Variants in JHY observed in about 807,000 individuals in gnomAD.
JHY encodes the protein junctional cadherin complex regulator, also known as jhy protein homolog.
JHY carries 69 observed loss-of-function variants against 78.0 expected under a neutral mutation model. The observed-to-expected ratio is 0.88, with a 90% CI of 0.73 to 1.08. JHY has a LOEUF of 1.08. Ranked by LOEUF, JHY falls within the 50% of genes least tolerant of loss-of-function variation. The pLI is 0.00. For missense variants in JHY, 944 were observed against 927.8 expected (o/e 1.02, Z -0.23); for synonymous variants, 368 against 342.6 (o/e 1.07, Z -0.82).
chr11:122,955,129 G>A lies in JHY; in HGVS notation c.1930-1367G>A, dbSNP rs114458139. ...AACTTCAGGGTTTGTTGTTGTTGTT[G>A]TTGTTGTTTTAAATAGAATCTCTCT... On this transcript the variant is annotated intron_variant, in intron 6 of 8. Transcript: ENST00000227349. Among the ~76,000 whole-genome samples the A allele has an allele frequency of 4.1e-3, 623 of 152,226 alleles. 7 individuals carry two copies. The highest frequency in any genetic ancestry group is 0.014 in the African/African-American group (598 of 41,530).
intron 3 of JHY, among the ~76,000 whole-genome samples, chr11:122,909,790 T>TTAAA (rs1331320279): frequency 5.9e-5 from 9 of 151,710 alleles, no homozygotes; most frequent in East Asian, 1.9e-4. Context: ...AAAAAATAAA[T>TTAAA]TAAATAAATA....
Position 122,922,627 on chromosome 11 carries a change from G to A in JHY, c.865-2270G>A, listed in dbSNP as rs563209398. On this transcript the variant is annotated intron_variant, in intron 3 of 8. Coordinates refer to ENST00000227349, the MANE Select transcript of JHY (RefSeq NM_024806.4). ...AGATAGAGACCATCCTGGCTAACAC[G>A]GTGAAACCCCGTCTCTACTAAAAAT... Among the ~76,000 whole-genome samples, 10 of 151,914 alleles carry A rather than the reference G, an allele frequency of 6.6e-5. No homozygotes were observed. In the East Asian group the frequency reaches 1.6e-3, roughly 24 times the overall value.
At chr11:122,938,926 A>G (rs1386973100) in intron 5 of JHY, among the ~76,000 whole-genome samples, 1 of 151,680 alleles carries the variant, frequency 6.6e-6, no homozygotes, top group Non-Finnish European at 1.5e-5. Context: ...GAGAGAGGGA[A>G]GGGACAGTTG....
rs566238819 is a variant in JHY at position 122,960,801 on chromosome 11, C to T, written c.*1356C>T. ...TGCAATTGATTTGGAGAAGTCGCAG[C>T]GCTCACTGGTTCAGAAGCGCCATTA... On this transcript the variant is annotated 3_prime_UTR_variant, in exon 9 of 9. Coordinates refer to ENST00000227349, the MANE Select transcript of JHY (RefSeq NM_024806.4). 3.4e-5 allele frequency: 19 copies of T among 554,604 alleles called. No individual in the cohort carries two copies. The highest frequency in any genetic ancestry group is 1.3e-4 in the African/African-American group (7 of 52,716). 34.4% of individuals were successfully genotyped at this position (554,604 alleles called of 1,614,324 possible).
In JHY at chr11:122,959,254, G is replaced by C; in HGVS notation, c.2146G>C (p.Glu716Gln). The change falls in exon 9 of 9, where the codon GAA (glutamate) becomes CAA (glutamine). Residue 716 changes from glutamate (E) to glutamine (Q), a missense_variant. Transcript: ENST00000227349. The part of the protein sequence containing the change: ...KSAIPRQKAL[E>Q]YAKTIPKPKP... ...TTCATCTTTATGCGTTTAGGCTTTG[G>C]AATACGCTAAGACCATCCCCAAACC... The C allele has an allele frequency of 6.2e-7, 1 of 1,613,448 alleles. No homozygotes were observed. Among genetic ancestry groups the C allele is most frequent in the Non-Finnish European group, 8.5e-7 (1 of 1,179,838 alleles).
intron 2 of JHY, among the ~76,000 whole-genome samples, chr11:122,890,125 T>G (rs1375145578): frequency 6.6e-6 from 1 of 151,856 alleles, no homozygotes; most frequent in Non-Finnish European, 1.5e-5. Flanking sequence ...TTGACAGGGT[T>G]TGGTGACAGA....
rs746040976 is a variant in JHY, at chr11:122,946,724, A to G, written c.1861A>G (p.Ser621Gly). Residue 621 changes from serine to glycine, a missense_variant, in exon 6 of 9, where the codon AGC (serine) becomes GGC (glycine). By Grantham distance (56) the Ser-to-Gly change is moderately conservative (BLOSUM62 0). Coordinates refer to ENST00000227349, the MANE Select transcript of JHY (RefSeq NM_024806.4). ...SQRNQVKISR[S>G]NSEGYLFQLE... Reference sequence around the variant, plus strand: ...AAGAAACCAAGTGAAAATTAGCCGTAGCAATTCTGAAGGCTATCTGTTTCA... The same window carrying G: ...AAGAAACCAAGTGAAAATTAGCCGTGGCAATTCTGAAGGCTATCTGTTTCA... The G allele has an allele frequency of 2.5e-6, 4 of 1,614,216 alleles. No individual in the cohort carries two copies. The highest frequency in any genetic ancestry group is 3.4e-6 in the Non-Finnish European group (4 of 1,180,020).
At chr11:122,924,759 T>G in intron 3 of JHY, 138 bp from the exon 4 acceptor site, 39 of 629,810 alleles carry the variant, frequency 6.2e-5, no homozygotes, top group Non-Finnish European at 7.6e-5. Flanking sequence ...TGAGGACTGA[T>G]GAGATGAATC....
At chr11:122,946,415 A>G (rs1863959767) in intron 5 of JHY, 83 bp from the exon 6 acceptor site, 3 of 1,386,928 alleles carry the variant, frequency 2.2e-6, no homozygotes, top group Middle Eastern at 2.5e-4. Context: ...CATCAAATTA[A>G]TGGTTCATAA....
chr11:122,914,175 C>T (rs182804683), intron 3 of JHY, among the ~76,000 whole-genome samples: 1 of 152,264 alleles, frequency 6.6e-6, no homozygotes, highest in Admixed American at 6.5e-5. Flanking sequence ...TATAATCTTA[C>T]AGCCTTATAT....
At chr11:122,942,133 A>C (rs1863886491) in intron 5 of JHY, among the ~76,000 whole-genome samples, 1 of 152,110 alleles carries the variant, frequency 6.6e-6, no homozygotes, top group Admixed American at 6.5e-5. Flanking sequence ...CGGCCTCCCA[A>C]AGTGCTGGGA....
In JHY at chr11:122,883,153, G is replaced by A. The variant is rs959256522; in HGVS notation, c.-90+181G>A. ...GGGGCGAGGCCGCGACAAGGGGCTG[G>A]GGGGCCGCCATGCGAGGCTTCGGCG... On this transcript the variant is annotated intron_variant, in intron 1 of 8. Transcript: ENST00000227349. This position sits in a 1 kb window ranked among gnomAD's most constrained non-coding sequence, Gnocchi z 4.4. 1.3e-5 allele frequency among the ~76,000 whole-genome samples: 2 copies of A among 152,022 alleles called. No homozygotes were observed. The highest frequency in any genetic ancestry group is 2.9e-5 in the Non-Finnish European group (2 of 68,004).
At position 122,934,714 on chromosome 11, in the gene JHY, C is replaced by G. The variant is rs74745827; in HGVS notation, c.1273C>G (p.Gln425Glu). 4 of 1,613,904 alleles carry G rather than the reference C, an allele frequency of 2.5e-6. No individual in the cohort carries two copies. The highest frequency in any genetic ancestry group is 1.7e-5 in the Admixed American group (1 of 59,992). Residue 425 changes from glutamine (Q) to glutamate (E), a missense_variant, in exon 5 of 9, where the codon CAA becomes GAA. Physicochemically the swap from Gln to Glu is conservative, Grantham distance 29 (BLOSUM62 2). Coordinates refer to ENST00000227349, the MANE Select transcript of JHY (RefSeq NM_024806.4). ...TATGCATGCCTCTAACAATGATGTA[C>G]AAGCCTCAAGGGCACTTAGAAGCCA... ...VIMHASNNDV[Q>E]ASRALRSHNL...
At chr11:122,889,204 C>T (rs1410725011) in intron 2 of JHY, among the ~76,000 whole-genome samples, 2 of 152,170 alleles carry the variant, frequency 1.3e-5, no homozygotes, top group South Asian at 4.1e-4. Flanking sequence ...GCTCGAGAAT[C>T]TTTTTACATG....
chr11:122,890,399 A>G (rs1443180417), intron 2 of JHY, among the ~76,000 whole-genome samples: 1 of 152,188 alleles, frequency 6.6e-6, no homozygotes, highest in Non-Finnish European at 1.5e-5. Flanking sequence ...GTCTGACTCC[A>G]TGGCCCCAAA....
intron 6 of JHY, among the ~76,000 whole-genome samples, 191 bp from the exon 7 acceptor site, chr11:122,956,305 A>C (rs966444557): frequency 6.6e-6 from 1 of 152,234 alleles, no homozygotes; most frequent in Non-Finnish European, 1.5e-5. Flanking sequence ...ACGAATTACC[A>C]AAGAGACTAT....
intron 3 of JHY, 70 bp from the exon 4 acceptor site, chr11:122,924,827 G>C (rs1287664688): frequency 8.0e-7 from 1 of 1,251,098 alleles, no homozygotes; most frequent in Admixed American, 1.8e-5. Context: ...AGAGTGCACA[G>C]ACTTGAGTCC....
chr11:122,945,556 G>A (rs1039610526), intron 5 of JHY, among the ~76,000 whole-genome samples: 4 of 152,048 alleles, frequency 2.6e-5, no homozygotes, highest in Non-Finnish European at 5.9e-5. Context: ...TTCCTCTTAC[G>A]GGCAAGGACT....
At chr11:122,940,195 G>A (rs1311227969) in intron 5 of JHY, among the ~76,000 whole-genome samples, 1 of 152,008 alleles carries the variant, frequency 6.6e-6, no homozygotes, top group Non-Finnish European at 1.5e-5. Context: ...AAAATTTGCT[G>A]GGTGTGGTGG....
Sources: allele counts gnomAD v4.1 joint callset (sites outside exome capture counted in the v4.1 genomes callset), GRCh38; gene constraint gnomAD v4.1.1; non-coding constraint Gnocchi (gnomAD v3.1); transcripts MANE v1.5; gene names NCBI Gene and HGNC (gene_info 2026-07-23, HGNC 2026-07-21).